DNMT3A: variants seen among roughly 807,000 people sequenced by gnomAD.
The protein encoded by DNMT3A is DNA (cytosine-5)-methyltransferase 3A.
In DNMT3A, 267 loss-of-function variants were observed where a neutral mutation model predicts 117.6. The ratio of observed to expected loss-of-function variants is 2.27; its 90% CI spans 2.05 to 2.51. The LOEUF is 2.51. Ranked by LOEUF, DNMT3A falls within the 30% of genes most tolerant of loss-of-function variation. The pLI, the probability that DNMT3A is intolerant of heterozygous loss-of-function variation, is 0.00. For synonymous variants in DNMT3A, 432 were observed against 474.8 expected, an observed-to-expected ratio of 0.91 and a Z score of 1.17; for missense variants, 1,029 against 1,260.2, an observed-to-expected ratio of 0.82 and a Z score of 2.78.
intron 4 of DNMT3A, among the ~76,000 whole-genome samples, chr2:25,277,693 A>G (rs944792371): frequency 1.3e-5 from 2 of 152,064 alleles, no homozygotes; most frequent in African/African-American, 4.8e-5. Context: ...AATATTAGAA[A>G]ATCAGGGTTG....
chr2:25,265,057 A>T (rs1380654301), intron 6 of DNMT3A, among the ~76,000 whole-genome samples: 3 of 152,228 alleles, frequency 2.0e-5, no homozygotes, highest in Admixed American at 2.0e-4. Flanking sequence ...CTGAGACGAG[A>T]AACCAGGCCT....
At chr2:25,244,093 A>T (rs1674415969) in intron 15 of DNMT3A, 62 bp downstream of exon 15, 1 of 1,609,570 alleles carries the variant, frequency 6.2e-7, no homozygotes, top group African/African-American at 1.3e-5. Flanking sequence ...CGCACAGCTC[A>T]GGCCCCACAA....
chr2:25,238,307 G>C (rs763101813), intron 20 of DNMT3A, among the ~76,000 whole-genome samples: 1 of 152,122 alleles, frequency 6.6e-6, no homozygotes, highest in Non-Finnish European at 1.5e-5. Context: ...GTATGAGATG[G>C]GGAAGGTCCT....
chr2:25,267,017 C>T (rs1195472082), intron 6 of DNMT3A, among the ~76,000 whole-genome samples: 1 of 152,090 alleles, frequency 6.6e-6, no homozygotes. Flanking sequence ...CATAAATGGC[C>T]ACCAATAACA....
rs965354762 is a variant in DNMT3A, at chr2:25,281,935, G to A, written c.448+506C>T. 7.4e-6 allele frequency: 8 copies of A among 1,080,792 alleles called. No individual in the cohort carries two copies. Among genetic ancestry groups the A allele is most frequent in the Non-Finnish European group, 7.9e-6 (7 of 888,124 alleles). 67.0% of individuals were successfully genotyped at this position (1,080,792 alleles called of 1,614,324 possible). ...GGTGGGCTCAGGACCTCTGCACTCA[G>A]GGAGGCAAACAGGGTATCTGCTGCC... On this transcript the variant is annotated intron_variant, in intron 4 of 22. Transcript: ENST00000321117. This position sits in a 1 kb window ranked among gnomAD's most constrained non-coding sequence, Gnocchi z 4.8.
At chr2:25,241,238 C>T (rs1457799942) in intron 17 of DNMT3A, among the ~76,000 whole-genome samples, 6 of 152,198 alleles carry the variant, frequency 3.9e-5, no homozygotes, top group African/African-American at 1.4e-4. Context: ...AGAAACCAGC[C>T]CAGGGAGTAG....
Position 25,282,097 on chromosome 2 carries a change from C to T in DNMT3A, c.448+344G>A. ...CCACAGAAGGCGATGGAGGGACCGC[C>T]ATTATCCCAGTCTAGCAATCGTTGG... On this transcript the variant is annotated intron_variant, in intron 4 of 22. Transcript: ENST00000321117. The surrounding 1 kb of genome is among the most constrained non-coding windows in gnomAD (Gnocchi z 5.2). 8.8e-7 allele frequency: 1 copy of T among 1,142,092 alleles called. No individual in the cohort carries two copies. The highest frequency in any genetic ancestry group is 1.1e-6 in the Non-Finnish European group (1 of 896,852). 70.7% of individuals were successfully genotyped at this position (1,142,092 alleles called of 1,614,324 possible).
rs534297862 is a variant in DNMT3A, at chr2:25,237,143, G to A, written c.2409-138C>T. The A allele has an allele frequency of 6.3e-5, 46 of 734,374 alleles. 1 individual carries two copies. The highest frequency in any genetic ancestry group is 3.5e-4 in the South Asian group (19 of 54,168). 45.5% of individuals were successfully genotyped at this position (734,374 alleles called of 1,614,324 possible). Reference sequence around the variant, plus strand: ...CCCCTTCCCCAAATCACGCACACACGTCATAACTCTCTTCAAACTCCCCGC... The same window carrying A: ...CCCCTTCCCCAAATCACGCACACACATCATAACTCTCTTCAAACTCCCCGC... On this transcript the variant is annotated intron_variant, in intron 20 of 22. Coordinates refer to ENST00000321117, the MANE Select transcript of DNMT3A (RefSeq NM_022552.5). The surrounding 1 kb of genome is among the most constrained non-coding windows in gnomAD (Gnocchi z 5.4).
intron 6 of DNMT3A, among the ~76,000 whole-genome samples, chr2:25,274,243 G>A (rs574872560): frequency 7.2e-4 from 110 of 152,290 alleles, no homozygotes; most frequent in Admixed American, 1.5e-3. Context: ...CCATCAGCAA[G>A]CCCTAGCTAT....
At chr2:25,239,314 C>CTTCT in intron 19 of DNMT3A, 99 bp from the exon 20 acceptor site, 1 of 1,061,926 alleles carries the variant, frequency 9.4e-7, no homozygotes. Context: ...AAGCCTCTTA[C>CTTCT]TTCTCTCTCA....
intron 6 of DNMT3A, among the ~76,000 whole-genome samples, chr2:25,266,188 C>T (rs1191928583): frequency 6.6e-6 from 1 of 152,206 alleles, no homozygotes; most frequent in African/African-American, 2.4e-5. Context: ...TGCTTACAGG[C>T]TGTCATGGGA....
Position 25,284,591 on chromosome 2 carries a change from G to T in DNMT3A, c.178-1880C>A, listed in dbSNP as rs944715290. On this transcript the variant is annotated intron_variant, in intron 3 of 22. Coordinates refer to ENST00000321117, the MANE Select transcript of DNMT3A (RefSeq NM_022552.5). ...GAATCCAGGAGGTAGAGGTTGCAGT[G>T]AGCTGAAACTGCTCCACTGCACTCC... is the stretch of plus-strand genomic sequence containing the variant. Among the ~76,000 whole-genome samples, 4 of 127,210 alleles carry T rather than the reference G, an allele frequency of 3.1e-5. No individual in the cohort carries two copies. In the Admixed American group the frequency reaches 3.7e-4, roughly 12 times the overall value. 83.5% of individuals were successfully genotyped at this position (127,210 alleles called of 152,430 possible).
At chr2:25,284,318 T>C (rs917942570) in intron 3 of DNMT3A, among the ~76,000 whole-genome samples, 1 of 152,102 alleles carries the variant, frequency 6.6e-6, no homozygotes. Flanking sequence ...TCTTTTTTTT[T>C]CTACTTATAA....
intron 6 of DNMT3A, among the ~76,000 whole-genome samples, chr2:25,269,808 G>T (rs2030705587): frequency 2.0e-5 from 3 of 152,184 alleles, no homozygotes; most frequent in Non-Finnish European, 2.9e-5. Context: ...CTCAGGGACT[G>T]CAGAAATGTC....
At chr2:25,246,931 G>A (rs2149304420) in intron 9 of DNMT3A, 120 bp downstream of exon 9, 2 of 1,459,098 alleles carry the variant, frequency 1.4e-6, no homozygotes, top group East Asian at 4.7e-5. Flanking sequence ...CGAGCGAGGT[G>A]GAGAGAAAGG....
intron 3 of DNMT3A, among the ~76,000 whole-genome samples, chr2:25,291,059 G>A (rs533446881): frequency 6.6e-6 from 1 of 152,250 alleles, no homozygotes; most frequent in African/African-American, 2.4e-5. Context: ...GCACCCCCAC[G>A]CCTGCAGACA....
At position 25,236,980 on chromosome 2, in the gene DNMT3A, T is replaced by A; in HGVS notation, c.2434A>T (p.Lys812Ter). 6.2e-7 allele frequency: 1 copy of A among 1,613,692 alleles called. No individual in the cohort carries two copies. Among genetic ancestry groups the A allele is most frequent in the Non-Finnish European group, 8.5e-7 (1 of 1,179,910 alleles). The change falls in exon 21 of 23, where the codon AAG becomes TAG. Residue 812 changes from lysine to a stop codon, truncating the protein, a stop_gained. Coordinates refer to ENST00000321117, the MANE Select transcript of DNMT3A (RefSeq NM_022552.5). LOFTEE classifies it high-confidence loss of function. This position sits in a 1 kb window ranked among gnomAD's most constrained non-coding sequence, Gnocchi z 4.5. ...NRPLASTVNDKLELQECLEHG... is the reference protein window; with the variant it reads ...NRPLASTVND ...TCCAGACACTCCTGCAGCTCCAGCT[T>A]ATCATTCACAGTGGATGCCAACGGC... is the stretch of plus-strand genomic sequence containing the variant.
At chr2:25,303,852 T>C (rs4563176) in intron 2 of DNMT3A, among the ~76,000 whole-genome samples, 147,603 of 152,386 alleles carry the variant, frequency 0.97, 71,512 homozygotes, top group East Asian at 1. Context: ...GCAGATGGCT[T>C]GGGCCGTGCC....
In DNMT3A at chr2:25,281,980, G is replaced by A. The variant is rs1281406172; in HGVS notation, c.448+461C>T. ...GCTGCCCTTGAGTGCCCAGGCCAGG[G>A]GCTACAAATACAGCAACCCCCAGGA... On this transcript the variant is annotated intron_variant, in intron 4 of 22. Coordinates refer to ENST00000321117, the MANE Select transcript of DNMT3A (RefSeq NM_022552.5). This position sits in a 1 kb window ranked among gnomAD's most constrained non-coding sequence, Gnocchi z 4.8. 9.1e-7 allele frequency: 1 copy of A among 1,095,828 alleles called. No individual in the cohort carries two copies. The highest frequency in any genetic ancestry group is 1.1e-6 in the Non-Finnish European group (1 of 897,308). The allele number at this position is 1,095,828 out of a possible 1,614,324, so 67.9% of individuals were successfully genotyped here. A position where few individuals can be genotyped will look rare whatever the true frequency, so the allele number is the denominator to read the frequency against.
Sources: allele counts gnomAD v4.1 joint callset (sites outside exome capture counted in the v4.1 genomes callset), GRCh38; gene constraint gnomAD v4.1.1; non-coding constraint Gnocchi (gnomAD v3.1); transcripts MANE v1.5; gene names NCBI Gene and HGNC (gene_info 2026-07-23, HGNC 2026-07-21).